The following PRKCA variants were observed in gnomAD, a reference collection of about 807,000 sequenced individuals.
The protein encoded by PRKCA is protein kinase C alpha type.
In PRKCA, 27 loss-of-function variants were observed where a neutral mutation model predicts 87.0. That is an observed-to-expected ratio of 0.31 (90% CI 0.23 to 0.43). PRKCA has a LOEUF of 0.43. Among genes scored for constraint, PRKCA ranks in the 20% least tolerant of loss-of-function variants. The pLI, the probability that PRKCA is intolerant of heterozygous loss-of-function variation, is 1.00. For missense variants in PRKCA, 518 were observed against 852.3 expected (o/e 0.61, Z 4.88); for synonymous variants, 329 against 311.1 (o/e 1.06, Z -0.61).
At position 66,587,795 on chromosome 17, in the gene PRKCA, ATACG is replaced by A. The variant is rs1274571530; in HGVS notation, c.289-53557_289-53554del. Among the ~76,000 whole-genome samples, 134 of 132,334 alleles carry A rather than the reference ATACG, an allele frequency of 1.0e-3. 3 individuals carry two copies. Among genetic ancestry groups the A allele is most frequent in the Admixed American group, 1.6e-3 (20 of 12,208 alleles). 86.8% of individuals were successfully genotyped at this position (132,334 alleles called of 152,430 possible). Reference sequence around the variant, plus strand: ...TATATGTGTGTATATGTATACATATATACGTATATGTGTGTGTATATGTATACAT... The same window carrying A: ...TATATGTGTGTATATGTATACATATATATATGTGTGTGTATATGTATACAT... On this transcript the variant is annotated intron_variant, in intron 3 of 16. Transcript: ENST00000413366.
chr17:66,796,573 G>A, intron 16 of PRKCA: 2 of 985,224 alleles, frequency 2.0e-6, no homozygotes, highest in Non-Finnish European at 2.4e-6. Flanking sequence ...GTGTGCCCCT[G>A]CTTGTGTTGG....
intron 2 of PRKCA, chr17:66,340,201 T>G (rs908379274): frequency 2.0e-5 from 3 of 152,072 alleles, no homozygotes; most frequent in African/African-American, 7.2e-5. Context: ...CACCATAAAA[T>G]GTTTGTTTCA....
chr17:66,708,999 C>T (rs1973253564), intron 8 of PRKCA, among the ~76,000 whole-genome samples: 1 of 152,158 alleles, frequency 6.6e-6, no homozygotes, highest in African/African-American at 2.4e-5. Context: ...GAAGATAACC[C>T]ATACCTGGTA....
At chr17:66,333,886 A>G (rs1906501538) in intron 2 of PRKCA, among the ~76,000 whole-genome samples, 1 of 152,300 alleles carries the variant, frequency 6.6e-6, no homozygotes, top group Non-Finnish European at 1.5e-5. Flanking sequence ...CTGTCCCCTT[A>G]CCCTCTGATT....
chr17:66,795,375 A>G (rs1188581264), intron 16 of PRKCA, among the ~76,000 whole-genome samples: 1 of 152,190 alleles, frequency 6.6e-6, no homozygotes, highest in Non-Finnish European at 1.5e-5. Context: ...TTGAGATCTC[A>G]AGATGGGAAG....
chr17:66,642,340 A>G (rs1971321040), intron 4 of PRKCA, among the ~76,000 whole-genome samples: 1 of 152,116 alleles, frequency 6.6e-6, no homozygotes, highest in Admixed American at 6.5e-5. Context: ...TGTGTTAGCC[A>G]GGATAGTCTC....
At chr17:66,621,427 CA>C (rs979462210) in intron 3 of PRKCA, among the ~76,000 whole-genome samples, 12 of 152,158 alleles carry the variant, frequency 7.9e-5, no homozygotes, top group Non-Finnish European at 1.5e-4. Flanking sequence ...TGTTTAAAAA[CA>C]TACTTTGCTT....
chr17:66,464,164 G>A (rs1914980618), intron 2 of PRKCA, among the ~76,000 whole-genome samples: 1 of 152,070 alleles, frequency 6.6e-6, no homozygotes, highest in Non-Finnish European at 1.5e-5. Context: ...CTTACACTTA[G>A]CAATATGCAT....
intron 3 of PRKCA, among the ~76,000 whole-genome samples, chr17:66,629,558 CACT>C (rs1161787789): frequency 6.6e-6 from 1 of 152,148 alleles, no homozygotes; most frequent in African/African-American, 2.4e-5. Context: ...GGAGACTTAC[CACT>C]TTGTACAGGG....
intron 2 of PRKCA, among the ~76,000 whole-genome samples, chr17:66,362,463 T>C (rs1009960867): frequency 6.6e-6 from 1 of 152,210 alleles, no homozygotes; most frequent in Non-Finnish European, 1.5e-5. Context: ...CTCTGCTCAA[T>C]TGTCCCACGA....
At chr17:66,379,691 T>C (rs1909676060) in intron 2 of PRKCA, among the ~76,000 whole-genome samples, 1 of 152,216 alleles carries the variant, frequency 6.6e-6, no homozygotes, top group Non-Finnish European at 1.5e-5. Flanking sequence ...CTTAGCAGCA[T>C]TTCATTGGTT....
At chr17:66,738,985 T>A in intron 11 of PRKCA, 130 bp downstream of exon 11, 1 of 684,964 alleles carries the variant, frequency 1.5e-6, no homozygotes, top group South Asian at 1.7e-5. Flanking sequence ...CAGGCTCGGG[T>A]GATTCTCCCA....
intron 2 of PRKCA, among the ~76,000 whole-genome samples, chr17:66,422,218 T>G (rs1004649521): frequency 2.6e-5 from 4 of 152,108 alleles, no homozygotes; most frequent in Non-Finnish European, 5.9e-5. Flanking sequence ...TACTGGGGAT[T>G]GGGACTTTAA....
intron 2 of PRKCA, among the ~76,000 whole-genome samples, chr17:66,482,124 AAG>A (rs1915814002): frequency 6.6e-6 from 1 of 151,520 alleles, no homozygotes; most frequent in Non-Finnish European, 1.5e-5. Flanking sequence ...AAAAGAAAAA[AAG>A]AAAAAAAAGA....
At chr17:66,608,277 T>TG (rs1357670884) in intron 3 of PRKCA, among the ~76,000 whole-genome samples, 1 of 152,076 alleles carries the variant, frequency 6.6e-6, no homozygotes, top group Admixed American at 6.6e-5. Flanking sequence ...GGTGGTGGAG[T>TG]GGAGGGCCTC....
At chr17:66,329,592 CAG>C (rs1412960648) in intron 2 of PRKCA, among the ~76,000 whole-genome samples, 3 of 152,100 alleles carry the variant, frequency 2.0e-5, no homozygotes, top group Non-Finnish European at 2.9e-5. Flanking sequence ...AGGGTTTGCC[CAG>C]AGAGGCAGGA....
At chr17:66,679,491 C>T (rs1427249735) in intron 5 of PRKCA, among the ~76,000 whole-genome samples, 1 of 152,156 alleles carries the variant, frequency 6.6e-6, no homozygotes, top group Non-Finnish European at 1.5e-5. Flanking sequence ...ACACTCACAC[C>T]TTTAAATCAG....
At chr17:66,389,112 C>A (rs559005907) in intron 2 of PRKCA, among the ~76,000 whole-genome samples, 1 of 152,178 alleles carries the variant, frequency 6.6e-6, no homozygotes. Context: ...GCGGCACCTT[C>A]CCACGCAACT....
chr17:66,338,661 C>A (rs1224785102), intron 2 of PRKCA, among the ~76,000 whole-genome samples: 1 of 152,016 alleles, frequency 6.6e-6, no homozygotes, highest in Non-Finnish European at 1.5e-5. Context: ...ACAAGTGAAC[C>A]AAGATTCTGC....
Sources: gnomAD v4.1 joint callset for allele counts (sites outside exome capture counted in the v4.1 genomes callset) on GRCh38, gnomAD v4.1.1 for gene constraint, MANE v1.5 for transcripts, NCBI Gene and HGNC (gene_info 2026-07-23, HGNC 2026-07-21) for gene names.